Variants in ARHGAP6 observed in about 807,000 individuals in gnomAD.
ARHGAP6 encodes the protein rho GTPase-activating protein 6.
A neutral mutation model predicts 55.7 loss-of-function variants in ARHGAP6; 16 were observed. That is an observed-to-expected ratio of 0.29 (90% CI 0.19 to 0.44). ARHGAP6 has a LOEUF of 0.44. Among genes scored for constraint, ARHGAP6 ranks in the 20% least tolerant of loss-of-function variants. The pLI is 1.00. For synonymous variants in ARHGAP6, 382 were observed against 360.9 expected (o/e 1.06, Z -0.66); for missense variants, 698 against 808.9 (o/e 0.86, Z 1.66).
At chrX:11,643,461 T>G (rs1187757577) in intron 1 of ARHGAP6, among the ~76,000 whole-genome samples, 23 of 112,083 alleles carry the variant, frequency 2.1e-4, no homozygotes, top group Admixed American at 9.5e-5. Flanking sequence ...TTACAACTAT[T>G]GTTTAACTTA....
chrX:11,272,386 A>G lies in ARHGAP6; in HGVS notation c.589-17679T>C, dbSNP rs2047703119. On this transcript the variant is annotated intron_variant, in intron 1 of 12. Coordinates refer to ENST00000337414, the MANE Select transcript of ARHGAP6 (RefSeq NM_013427.3). ...GTAATGGCCAGAGCTTAATGAAACT[A>G]TCAGGGAAGACAAATTCCTTGAACT... Among the ~76,000 whole-genome samples the G allele has an allele frequency of 2.7e-5, 3 of 111,059 alleles. No individual in the cohort carries two copies. In the Middle Eastern group the frequency reaches 0.014, roughly 507 times the overall value.
intron 1 of ARHGAP6, among the ~76,000 whole-genome samples, chrX:11,308,389 G>T (rs1300656091): frequency 9.0e-6 from 1 of 111,729 alleles, no homozygotes; most frequent in Non-Finnish European, 1.9e-5. Flanking sequence ...ATTTGCACCA[G>T]ATGCTACCTT....
chrX:11,283,973 A>G (rs1209532888), intron 1 of ARHGAP6, among the ~76,000 whole-genome samples: 2 of 111,945 alleles, frequency 1.8e-5, no homozygotes, highest in South Asian at 3.7e-4. Flanking sequence ...TGTCTTCCCA[A>G]TTTTTGAAGA....
chrX:11,168,215 C>A (rs916571532), intron 9 of ARHGAP6, among the ~76,000 whole-genome samples: 2 of 112,144 alleles, frequency 1.8e-5, no homozygotes, highest in African/African-American at 6.5e-5. Context: ...CACTTAACAC[C>A]TGATTAAACT....
intron 1 of ARHGAP6, among the ~76,000 whole-genome samples, chrX:11,566,485 T>C (rs891548199): frequency 2.7e-5 from 3 of 112,105 alleles, no homozygotes; most frequent in South Asian, 7.5e-4. Flanking sequence ...CTTTGTAGAA[T>C]TGCTGATCAC....
chrX:11,523,404 G>A (rs988115091), intron 1 of ARHGAP6, among the ~76,000 whole-genome samples: 2 of 110,867 alleles, frequency 1.8e-5, no homozygotes, highest in Non-Finnish European at 3.8e-5. Flanking sequence ...GCAGGAGAAA[G>A]AAATAAAGGG....
intron 1 of ARHGAP6, among the ~76,000 whole-genome samples, chrX:11,602,837 C>A (rs975850358): frequency 8.9e-6 from 1 of 112,375 alleles, no homozygotes; most frequent in Admixed American, 9.4e-5. Context: ...TACTGGAAAT[C>A]AGGGCACTTA....
chrX:11,315,085 C>A (rs1244618469), intron 1 of ARHGAP6, among the ~76,000 whole-genome samples: 2 of 112,335 alleles, frequency 1.8e-5, no homozygotes, highest in Non-Finnish European at 3.8e-5. Flanking sequence ...AAGGGACAGG[C>A]ATTTCTCACC....
At chrX:11,277,441 A>C (rs2047789259) in intron 1 of ARHGAP6, among the ~76,000 whole-genome samples, 1 of 111,562 alleles carries the variant, frequency 9.0e-6, no homozygotes, top group African/African-American at 3.3e-5. Context: ...CAAAAACAAA[A>C]AAAAAAAACG....
intron 1 of ARHGAP6, among the ~76,000 whole-genome samples, chrX:11,371,073 A>G (rs1186066660): frequency 8.9e-6 from 1 of 112,132 alleles, no homozygotes; most frequent in African/African-American, 3.2e-5. Flanking sequence ...ATCCCTTAAG[A>G]AGATTTCCAT....
intron 1 of ARHGAP6, among the ~76,000 whole-genome samples, chrX:11,513,000 G>A (rs1418652998): frequency 8.9e-6 from 1 of 112,054 alleles, no homozygotes. Flanking sequence ...AAAGGGAAAA[G>A]TATCATTTCC....
chrX:11,664,774 T>G lies in ARHGAP6; in HGVS notation c.55A>C (p.Ser19Arg), dbSNP rs2052738958. Residue 19 changes from serine (S) to arginine (R), a missense_variant, in exon 1 of 13, where the codon AGT (serine) becomes CGT (arginine). Physicochemically the swap from Ser to Arg is moderately radical, Grantham distance 110. Coordinates refer to ENST00000337414, the MANE Select transcript of ARHGAP6 (RefSeq NM_013427.3). ...SVFSCSSPASSSAASAKGFSK... is the reference protein window; with the variant it reads ...SVFSCSSPASRSAASAKGFSK... ...AAGCCCTTGGCCGAGGCCGCGCTAC[T>G]TGAAGCGGGCGAGGAACAGGAGAAG... 5.8e-6 allele frequency: 7 copies of G among 1,202,323 alleles called. No individual in the cohort carries two copies. The highest frequency in any genetic ancestry group is 7.8e-6 in the Non-Finnish European group (7 of 892,655).
At chrX:11,283,449 A>T (rs2047883968) in intron 1 of ARHGAP6, among the ~76,000 whole-genome samples, 1 of 111,932 alleles carries the variant, frequency 8.9e-6, no homozygotes, top group Non-Finnish European at 1.9e-5. Flanking sequence ...CTGGAGAATA[A>T]AGGTAAAATT....
chrX:11,467,870 C>T (rs2050309105), intron 1 of ARHGAP6, among the ~76,000 whole-genome samples: 1 of 110,496 alleles, frequency 9.1e-6, no homozygotes, highest in Admixed American at 9.7e-5. Context: ...GTTCCAGCTA[C>T]TCAGGAGGCT....
At chrX:11,590,867 AAGGAAAGAAAG>A (rs1383710208) in intron 1 of ARHGAP6, among the ~76,000 whole-genome samples, 2 of 54,969 alleles carry the variant, frequency 3.6e-5, no homozygotes, top group Non-Finnish European at 6.6e-5. Context: ...AAAAGAAAAG[AAGGAAAGAAAG>A]AAAGAAAGAA....
intron 1 of ARHGAP6, among the ~76,000 whole-genome samples, chrX:11,356,536 C>A (rs1826326206): frequency 8.9e-6 from 1 of 112,012 alleles, no homozygotes; most frequent in African/African-American, 3.2e-5. Flanking sequence ...AGTTGAAGTA[C>A]TTTGACATCA....
intron 1 of ARHGAP6, among the ~76,000 whole-genome samples, chrX:11,656,187 T>G (rs887211464): frequency 5.3e-5 from 6 of 112,530 alleles, no homozygotes; most frequent in African/African-American, 1.9e-4. Flanking sequence ...CTTCACCATC[T>G]TCCCAATCCC....
At chrX:11,216,441 G>C (rs778382727) in intron 2 of ARHGAP6, among the ~76,000 whole-genome samples, 1 of 111,479 alleles carries the variant, frequency 9.0e-6, no homozygotes. Context: ...ATCACTTGAG[G>C]TCAGGAGTTT....
chrX:11,268,277 G>A (rs757475327), intron 1 of ARHGAP6, among the ~76,000 whole-genome samples: 1 of 111,958 alleles, frequency 8.9e-6, no homozygotes, highest in East Asian at 2.8e-4. Flanking sequence ...CTTAGCTCCA[G>A]GACAAAGTCC....
Sources: allele counts gnomAD v4.1 joint callset (sites outside exome capture counted in the v4.1 genomes callset), GRCh38; gene constraint gnomAD v4.1.1; transcripts MANE v1.5; gene names NCBI Gene and HGNC (gene_info 2026-07-23, HGNC 2026-07-21).